Variants in DPP10 observed in about 807,000 individuals in gnomAD.
DPP10 encodes dipeptidyl peptidase like 10, also known as inactive dipeptidyl peptidase 10.
In DPP10, 33 loss-of-function variants were observed where a neutral mutation model predicts 120.9. The ratio of observed to expected loss-of-function variants is 0.27; its 90% CI spans 0.21 to 0.37. DPP10 has a LOEUF of 0.37. Among genes scored for constraint, DPP10 ranks in the 10% least tolerant of loss-of-function variants. DPP10 has a pLI of 1.00. For missense variants in DPP10, 816 were observed against 942.8 expected (o/e 0.87, Z 1.76); for synonymous variants, 337 against 326.1 (o/e 1.03, Z -0.36).
intron 3 of DPP10, among the ~76,000 whole-genome samples, chr2:115,370,667 T>A (rs540735895): frequency 6.6e-6 from 1 of 152,240 alleles, no homozygotes; most frequent in South Asian, 2.1e-4. Context: ...ATCTGCCTAT[T>A]TTACTGTCTA....
rs1574728856 is a variant in DPP10, at chr2:115,403,866, C to T, written c.271+59954C>T. Among the ~76,000 whole-genome samples the T allele has an allele frequency of 2.0e-5, 3 of 152,174 alleles. 1 individual carries two copies. The highest frequency in any genetic ancestry group is 4.4e-5 in the Non-Finnish European group (3 of 67,998). ...ACACCTTAAAGACATCATAAAAAAA[C>T]TATTAGAACTGATCAATGAATGCAC... On this transcript the variant is annotated intron_variant, in intron 3 of 25. Transcript: ENST00000410059.
chr2:114,881,457 GTCTATCTA>G (rs56811813), intron 1 of DPP10, among the ~76,000 whole-genome samples: 29 of 144,200 alleles, frequency 2.0e-4, no homozygotes, highest in African/African-American at 7.4e-4. Flanking sequence ...CTGTCTGTCT[GTCTATCTA>G]TCTATCTATC....
intron 3 of DPP10, among the ~76,000 whole-genome samples, chr2:115,424,983 G>T (rs1574805283): frequency 6.6e-6 from 1 of 152,166 alleles, no homozygotes; most frequent in East Asian, 1.9e-4. Context: ...CATCTGAATG[G>T]AAGAGAGAAG....
intron 19 of DPP10, among the ~76,000 whole-genome samples, chr2:115,800,528 G>A (rs1381357065): frequency 6.6e-6 from 1 of 152,100 alleles, no homozygotes; most frequent in East Asian, 1.9e-4. Context: ...TGTCCTGAAT[G>A]GTGTTGCCTA....
At chr2:114,860,494 A>G (rs1337395439) in intron 1 of DPP10, among the ~76,000 whole-genome samples, 1 of 152,158 alleles carries the variant, frequency 6.6e-6, no homozygotes, top group African/African-American at 2.4e-5. Flanking sequence ...TTCCATTTAA[A>G]ATTATATTTT....
At chr2:115,753,535 A>G (rs987403934) in intron 11 of DPP10, among the ~76,000 whole-genome samples, 1 of 152,180 alleles carries the variant, frequency 6.6e-6, no homozygotes, top group Non-Finnish European at 1.5e-5. Context: ...AACCAAATTA[A>G]TTTTTATACA....
At chr2:114,652,674 GCTC>G (rs1166299082) in intron 1 of DPP10, among the ~76,000 whole-genome samples, 3 of 152,170 alleles carry the variant, frequency 2.0e-5, no homozygotes, top group Non-Finnish European at 4.4e-5. Context: ...CGAATTTTAT[GCTC>G]TATAAATGCC....
At chr2:115,032,222 T>A (rs1703892500) in intron 1 of DPP10, among the ~76,000 whole-genome samples, 1 of 150,692 alleles carries the variant, frequency 6.6e-6, no homozygotes, top group African/African-American at 2.4e-5. Context: ...ATGCCAAGAA[T>A]ATACAGCAGA....
At chr2:114,865,905 G>C (rs965169022) in intron 1 of DPP10, among the ~76,000 whole-genome samples, 30 of 152,012 alleles carry the variant, frequency 2.0e-4, no homozygotes, top group African/African-American at 7.0e-4. Context: ...CTGAGGTAGG[G>C]AGTTCAAGAC....
chr2:115,215,268 T>G (rs1169458332), intron 1 of DPP10, among the ~76,000 whole-genome samples: 2 of 152,216 alleles, frequency 1.3e-5, no homozygotes, highest in Non-Finnish European at 2.9e-5. Context: ...ATATCTTTGT[T>G]TGTTTTTATC....
rs539048239 is a variant in DPP10 at position 115,003,534 on chromosome 2, C to CA, written c.61-305696dup. ...TCTAAAATAAAAGTCCAAAAACGACCAAAAAAAAACAAACAGAAAAGAAGT... is the reference window on the plus strand; with the variant it reads ...TCTAAAATAAAAGTCCAAAAACGACCAAAAAAAAAACAAACAGAAAAGAAGT... On this transcript the variant is annotated intron_variant, in intron 1 of 25. Coordinates refer to ENST00000410059, the MANE Select transcript of DPP10 (RefSeq NM_020868.6). 3.2e-3 allele frequency among the ~76,000 whole-genome samples: 470 copies of CA among 147,564 alleles called. 2 individuals carry two copies. In the East Asian group the frequency reaches 0.033, roughly 10 times the overall value.
intron 1 of DPP10, among the ~76,000 whole-genome samples, chr2:114,497,258 T>TGC (rs1558813809): frequency 9.2e-6 from 1 of 108,218 alleles, no homozygotes; most frequent in Non-Finnish European, 2.0e-5. Flanking sequence ...TGCATGTACG[T>TGC]GTGTATACAT....
At chr2:114,574,663 C>T (rs1012708437) in intron 1 of DPP10, among the ~76,000 whole-genome samples, 3 of 152,164 alleles carry the variant, frequency 2.0e-5, no homozygotes, top group African/African-American at 7.2e-5. Context: ...AGACAACTCC[C>T]CAATAGCAAC....
At position 115,411,005 on chromosome 2, in the gene DPP10, G is replaced by A. The variant is rs549451069; in HGVS notation, c.271+67093G>A. Among the ~76,000 whole-genome samples the A allele has an allele frequency of 3.0e-4, 45 of 152,022 alleles. No homozygotes were observed. In the South Asian group the frequency reaches 6.0e-3, roughly 20 times the overall value. On this transcript the variant is annotated intron_variant, in intron 3 of 25. Coordinates refer to ENST00000410059, the MANE Select transcript of DPP10 (RefSeq NM_020868.6). ...TTCTGTGGTTAAAATATCAAGAGCCGTAGTATGAAAAATAAATATACATAG... is the reference window on the plus strand; with the variant it reads ...TTCTGTGGTTAAAATATCAAGAGCCATAGTATGAAAAATAAATATACATAG...
chr2:115,522,400 G>A (rs748742002), intron 4 of DPP10, among the ~76,000 whole-genome samples: 8 of 152,150 alleles, frequency 5.3e-5, no homozygotes, highest in Non-Finnish European at 1.0e-4. Flanking sequence ...CAACTTTGTA[G>A]CACCTTCAGT....
chr2:114,650,250 G>C (rs1455691144), intron 1 of DPP10, among the ~76,000 whole-genome samples: 1 of 152,062 alleles, frequency 6.6e-6, no homozygotes, highest in African/African-American at 2.4e-5. Flanking sequence ...GATAGAATGT[G>C]GTGTCAGAAC....
intron 1 of DPP10, among the ~76,000 whole-genome samples, chr2:114,701,018 G>GTTATTA (rs1279284300): frequency 1.3e-5 from 2 of 151,824 alleles, no homozygotes; most frequent in African/African-American, 4.8e-5. Flanking sequence ...TAGTATCATT[G>GTTATTA]TTATTATTAT....
intron 1 of DPP10, among the ~76,000 whole-genome samples, chr2:115,082,740 C>T (rs191636524): frequency 3.3e-4 from 51 of 152,294 alleles, no homozygotes; most frequent in Non-Finnish European, 6.2e-4. Context: ...ACTACAGATG[C>T]ATGAGCAATC....
intron 1 of DPP10, among the ~76,000 whole-genome samples, chr2:114,969,143 A>C (rs1369904431): frequency 6.6e-6 from 1 of 152,206 alleles, no homozygotes; most frequent in Non-Finnish European, 1.5e-5. Flanking sequence ...GTAAAACCCC[A>C]AAAATTTTGG....
Sources: gnomAD v4.1 joint callset for allele counts (sites outside exome capture counted in the v4.1 genomes callset) on GRCh38, gnomAD v4.1.1 for gene constraint, MANE v1.5 for transcripts, NCBI Gene and HGNC (gene_info 2026-07-23, HGNC 2026-07-21) for gene names.